The following HECTD4 variants were observed in gnomAD, a reference collection of about 807,000 sequenced individuals.
HECTD4 encodes the protein HECT domain E3 ubiquitin protein ligase 4.
Under a neutral mutation model 471.5 loss-of-function variants are expected in HECTD4, and 114 were observed. The observed-to-expected ratio is 0.24, with a 90% CI of 0.21 to 0.28. The LOEUF (loss-of-function observed/expected upper bound fraction) is 0.28, where lower values mean the gene tolerates loss of function less well. HECTD4 is among the 10% of genes least tolerant of loss of function. The probability of loss-of-function intolerance (pLI) is 1.00; values close to 1 mark genes in which losing one functional copy is unlikely to be tolerated. For missense variants in HECTD4, 3,866 were observed against 5,651.5 expected (o/e 0.68, Z 10.13); for synonymous variants, 2,012 against 2,256.0 (o/e 0.89, Z 3.07).
intron 52 of HECTD4, among the ~76,000 whole-genome samples, chr12:112,207,001 C>T (rs1440932999): frequency 6.6e-6 from 1 of 152,056 alleles, no homozygotes; most frequent in Non-Finnish European, 1.5e-5. Context: ...TTAGAATAAA[C>T]AAGAAATTGT....
In HECTD4 at chr12:112,193,419, C is replaced by T. The variant is rs2032145890; in HGVS notation, c.8955+50G>A. The T allele has an allele frequency of 1.3e-6, 2 of 1,522,186 alleles. No homozygotes were observed. Among genetic ancestry groups the T allele is most frequent in the African/African-American group, 1.4e-5 (1 of 72,880 alleles). 94.3% of individuals were successfully genotyped at this position (1,522,186 alleles called of 1,614,324 possible). ...ATTTTCAGCAAGCCAGTGAGACTCC[C>T]AGTTAAAAATGGTAACCACACTGCA... On this transcript the variant is annotated intron_variant, in intron 57 of 75. Transcript: ENST00000682272. This position sits in a 1 kb window ranked among gnomAD's most constrained non-coding sequence, Gnocchi z 5.2.
In HECTD4 at chr12:112,268,364, A is replaced by C. The variant is rs965795474; in HGVS notation, c.2321+1340T>G. On this transcript the variant is annotated intron_variant, in intron 13 of 75. Transcript: ENST00000682272. ...GAAGGAAAACAACTTCCTGTCATCT[A>C]TGCTCACCCCTGTCATACAGATCTT... Among the ~76,000 whole-genome samples the C allele has an allele frequency of 2.6e-5, 4 of 152,288 alleles. No homozygotes were observed. In the South Asian group the frequency reaches 8.3e-4, roughly 32 times the overall value.
rs1389564836 is a variant in HECTD4 at position 112,256,434 on chromosome 12, T to C, written c.3213A>G (p.Thr1071=). ...APWAAGKTVE[T]VHPVRDNYKF... The stretch of plus-strand genomic sequence containing the variant: ...TATAGTTGTCTCTGACGGGGTGGAC[T>C]GTTTCCACAGTCTTTCCAGCAGCCC... The change falls in exon 21 of 76, where the codon ACA becomes ACG. Residue 1071 remains threonine, a synonymous_variant. Transcript: ENST00000682272. 1.2e-6 allele frequency: 2 copies of C among 1,613,042 alleles called. No individual in the cohort carries two copies. Among genetic ancestry groups the C allele is most frequent in the Non-Finnish European group, 1.7e-6 (2 of 1,179,452 alleles).
At chr12:112,227,606 G>C (rs2033275415) in intron 43 of HECTD4, among the ~76,000 whole-genome samples, 1 of 152,204 alleles carries the variant, frequency 6.6e-6, no homozygotes, top group Non-Finnish European at 1.5e-5. Flanking sequence ...TGATAGGCCA[G>C]ATATGTATCA....
intron 34 of HECTD4, among the ~76,000 whole-genome samples, chr12:112,237,716 C>T (rs1402620366): frequency 6.6e-6 from 1 of 151,904 alleles, no homozygotes; most frequent in South Asian, 2.1e-4. Flanking sequence ...GCACTGATTA[C>T]ACTATAAGTA....
chr12:112,172,917 CTG>C, intron 66 of HECTD4, 56 bp from the exon 67 acceptor site: 1 of 1,458,418 alleles, frequency 6.9e-7, no homozygotes, highest in African/African-American at 1.4e-5. Flanking sequence ...ACCGGGATGA[CTG>C]TTGCATTTCT....
intron 1 of HECTD4, among the ~76,000 whole-genome samples, chr12:112,351,941 C>T (rs144780101): frequency 1.3e-5 from 2 of 152,300 alleles, no homozygotes; most frequent in African/African-American, 2.4e-5. Context: ...ATATGGCCTA[C>T]CATTTCCCTT....
rs780897137 is a variant in HECTD4 at position 112,167,268 on chromosome 12, G to A, written c.12534+49C>T. ...TGCATGGAGGCCTAAGCAAGGTGGC[G>A]GGGAGGCCCCGGGTTCTGCAGCCCC... On this transcript the variant is annotated intron_variant, in intron 72 of 75. Transcript: ENST00000682272. 40 of 1,517,200 alleles carry A rather than the reference G, an allele frequency of 2.6e-5. 1 individual carries two copies. The highest frequency in any genetic ancestry group is 1.8e-4 in the South Asian group (15 of 81,266). The allele number at this position is 1,517,200 out of a possible 1,614,324, so 94.0% of individuals were successfully genotyped here. A position where few individuals can be genotyped will look rare whatever the true frequency, so the allele number is the denominator to read the frequency against.
chr12:112,365,811 G>T lies in HECTD4; in HGVS notation c.177+16141C>A, dbSNP rs111505817. Among the ~76,000 whole-genome samples, 369 of 110,790 alleles carry T rather than the reference G, an allele frequency of 3.3e-3. 5 individuals are homozygous for T. Among genetic ancestry groups the T allele is most frequent in the African/African-American group, 0.012 (338 of 28,072 alleles). 72.7% of individuals were successfully genotyped at this position (110,790 alleles called of 152,430 possible). On this transcript the variant is annotated intron_variant, in intron 1 of 75. Coordinates refer to ENST00000682272, the MANE Select transcript of HECTD4 (RefSeq NM_001388303.1). ...TTTTGAGACAGGGTCTCCCTGTGTT[G>T]CCCAGGCTGGAGTGCAGTGGAGCGA... is the stretch of plus-strand genomic sequence containing the variant.
chr12:112,220,706 A>C (rs1189598509), intron 44 of HECTD4, among the ~76,000 whole-genome samples: 2 of 152,314 alleles, frequency 1.3e-5, no homozygotes, highest in East Asian at 3.9e-4. Context: ...GTGAGGCATG[A>C]TAATCGCTTG....
chr12:112,302,283 T>G, intron 7 of HECTD4: 2 of 837,388 alleles, frequency 2.4e-6, no homozygotes, highest in Non-Finnish European at 4.1e-6. Context: ...GGTCTCTTAG[T>G]GGGGACGCCC....
Position 112,235,230 on chromosome 12 carries a change from G to C in HECTD4, c.5762C>G (p.Pro1921Arg). ...QTVLSPTASE[P>R]DTTLTKTSPK... The stretch of plus-strand genomic sequence containing the variant: ...ACTGGTTTTTGTCAATGTGGTGTCA[G>C]GTTCAGAAGCGGTTGGAGAAAGAAC... The change falls in exon 37 of 76, where the codon CCT becomes CGT. Residue 1921 changes from proline to arginine, a missense_variant. Around this residue, in one of 16 missense-constraint regions of HECTD4, gnomAD observed 617 missense variants for 915.1 expected, o/e 0.67. Transcript: ENST00000682272. The surrounding 1 kb of genome is among the most constrained non-coding windows in gnomAD (Gnocchi z 5.0). 1 of 1,613,914 alleles carries C rather than the reference G, an allele frequency of 6.2e-7. No individual in the cohort carries two copies. The highest frequency in any genetic ancestry group is 8.5e-7 in the Non-Finnish European group (1 of 1,179,870).
intron 1 of HECTD4, among the ~76,000 whole-genome samples, chr12:112,345,800 C>A (rs1015146715): frequency 2.6e-5 from 4 of 152,144 alleles, no homozygotes; most frequent in Non-Finnish European, 5.9e-5. Context: ...GAGGCTGAGG[C>A]AGGAGAATGG....
At chr12:112,308,289 A>G (rs2035304824) in intron 6 of HECTD4, among the ~76,000 whole-genome samples, 1 of 152,216 alleles carries the variant, frequency 6.6e-6, no homozygotes, top group Admixed American at 6.5e-5. Context: ...TGCTTACGAG[A>G]GCACTAAAGC....
At chr12:112,337,110 T>A (rs780648440) in intron 1 of HECTD4, among the ~76,000 whole-genome samples, 1 of 152,192 alleles carries the variant, frequency 6.6e-6, no homozygotes, top group Non-Finnish European at 1.5e-5. Context: ...GATAGAAACT[T>A]TGAGACTCAA....
chr12:112,348,395 T>C (rs1435713699), intron 1 of HECTD4, among the ~76,000 whole-genome samples: 1 of 152,212 alleles, frequency 6.6e-6, no homozygotes, highest in South Asian at 2.1e-4. Context: ...CTGAATGTTG[T>C]ATCAAACAGA....
At chr12:112,178,167 C>T (rs1229179260) in intron 64 of HECTD4, among the ~76,000 whole-genome samples, 1 of 152,130 alleles carries the variant, frequency 6.6e-6, no homozygotes, top group Non-Finnish European at 1.5e-5. Context: ...GGGGCTCAAG[C>T]CATCCTCCTG....
At chr12:112,220,532 C>G (rs2033057798) in intron 44 of HECTD4, among the ~76,000 whole-genome samples, 2 of 152,122 alleles carry the variant, frequency 1.3e-5, no homozygotes. Flanking sequence ...TGCGGTGGCT[C>G]ATGCCTGTAA....
At chr12:112,370,438 CTG>C (rs1369265415) in intron 1 of HECTD4, among the ~76,000 whole-genome samples, 3 of 152,192 alleles carry the variant, frequency 2.0e-5, no homozygotes, top group Admixed American at 6.5e-5. Context: ...CTAAATAAAA[CTG>C]TGGCATTTCT....
Sources: gnomAD v4.1 joint callset for allele counts (sites outside exome capture counted in the v4.1 genomes callset) on GRCh38, gnomAD v4.1.1 for gene constraint, gnomAD v4.1.1 regional missense constraint, Gnocchi (gnomAD v3.1) non-coding constraint, MANE v1.5 for transcripts, NCBI Gene and HGNC (gene_info 2026-07-23, HGNC 2026-07-21) for gene names.